The following FMN1 variants were observed in gnomAD, a reference collection of about 807,000 sequenced individuals.
FMN1 encodes the protein formin-1.
A neutral mutation model predicts 132.4 loss-of-function variants in FMN1; 110 were observed. That is an observed-to-expected ratio of 0.83 (90% CI 0.71 to 0.97). FMN1 has a LOEUF of 0.97. FMN1 is among the 50% of genes least tolerant of loss of function. The probability of loss-of-function intolerance (pLI) is 0.00; values close to 1 mark genes in which losing one functional copy is unlikely to be tolerated. For missense variants in FMN1, 1,792 were observed against 1,705.3 expected (o/e 1.05, Z -0.90); for synonymous variants, 722 against 651.7 (o/e 1.11, Z -1.64).
intron 15 of FMN1, among the ~76,000 whole-genome samples, chr15:32,893,181 TC>T (rs1454807287): frequency 5.3e-5 from 8 of 152,218 alleles, no homozygotes; most frequent in Admixed American, 1.3e-4. Context: ...TGTACTTTTT[TC>T]CCCCATCTTC....
chr15:32,986,328 A>C (rs1198990271), intron 7 of FMN1, among the ~76,000 whole-genome samples: 3 of 152,166 alleles, frequency 2.0e-5, no homozygotes, highest in Non-Finnish European at 4.4e-5. Context: ...AACCGGAATA[A>C]GGGTATTTTT....
chr15:33,071,650 T>C (rs2038004647), intron 5 of FMN1, among the ~76,000 whole-genome samples: 1 of 152,206 alleles, frequency 6.6e-6, no homozygotes, highest in Non-Finnish European at 1.5e-5. Flanking sequence ...AAGCCAGCAG[T>C]GACCATTTAA....
At chr15:33,081,295 A>G (rs1247992543) in intron 5 of FMN1, among the ~76,000 whole-genome samples, 1 of 152,186 alleles carries the variant, frequency 6.6e-6, no homozygotes, top group Non-Finnish European at 1.5e-5. Flanking sequence ...ATTTCCAACA[A>G]TATTTCACCA....
intron 6 of FMN1, among the ~76,000 whole-genome samples, chr15:33,040,902 T>TA (rs983308730): frequency 3.9e-5 from 6 of 152,238 alleles, no homozygotes; most frequent in Admixed American, 3.3e-4. Flanking sequence ...TCTAGTGCTC[T>TA]ACTACAGAGT....
chr15:32,833,474 C>A (rs1271144787), intron 17 of FMN1, among the ~76,000 whole-genome samples: 3 of 152,166 alleles, frequency 2.0e-5, no homozygotes, highest in Non-Finnish European at 2.9e-5. Context: ...AGCCTTCTGA[C>A]CCCCATGATC....
chr15:32,957,867 CAAGTGGTGG>C (rs2029996701), intron 9 of FMN1, among the ~76,000 whole-genome samples: 1 of 152,084 alleles, frequency 6.6e-6, no homozygotes. Flanking sequence ...GAGATAGTAG[CAAGTGGTGG>C]TGGTTCCATT....
At chr15:32,910,623 T>C (rs1362142127) in intron 10 of FMN1, 88 bp from the exon 11 acceptor site, 1 of 970,696 alleles carries the variant, frequency 1.0e-6, no homozygotes, top group Non-Finnish European at 1.6e-6. Flanking sequence ...TTCCAAGCAA[T>C]TAACAGAGTA....
intron 7 of FMN1, among the ~76,000 whole-genome samples, chr15:32,976,042 T>C (rs1422473437): frequency 1.3e-5 from 2 of 152,130 alleles, no homozygotes; most frequent in African/African-American, 2.4e-5. Flanking sequence ...GACATCGTGT[T>C]GGTGCCAAGC....
At chr15:33,090,475 G>A (rs1482391016) in intron 4 of FMN1, among the ~76,000 whole-genome samples, 1 of 152,172 alleles carries the variant, frequency 6.6e-6, no homozygotes, top group Non-Finnish European at 1.5e-5. Context: ...AGGTCACAGT[G>A]TGTCTATAGT....
chr15:33,165,495 A>T (rs1965066321), intron 3 of FMN1, among the ~76,000 whole-genome samples: 1 of 152,092 alleles, frequency 6.6e-6, no homozygotes, highest in African/African-American at 2.4e-5. Flanking sequence ...GGTTCACGCC[A>T]TTCTCTTGCC....
In FMN1 at chr15:33,019,015, A is replaced by G. The variant is rs1390258161; in HGVS notation, c.2162-10940T>C. Among the ~76,000 whole-genome samples the G allele has an allele frequency of 2.0e-5, 3 of 152,156 alleles. No homozygotes were observed. The East Asian group carries it at 5.8e-4, about 29-fold the overall frequency. ...GATTTATTGCAGAGTTAAAGAACAA[A>G]GCTTCCACCATGCGGAAGAGGACCT... On this transcript the variant is annotated intron_variant, in intron 6 of 20. Transcript: ENST00000616417.
At chr15:32,861,379 C>T (rs1238592820) in intron 16 of FMN1, among the ~76,000 whole-genome samples, 4 of 152,128 alleles carry the variant, frequency 2.6e-5, no homozygotes, top group African/African-American at 9.7e-5. Flanking sequence ...AGAGCCCATG[C>T]GGTGCCCATC....
chr15:32,964,126 T>C lies in FMN1; in HGVS notation c.3119A>G (p.Lys1040Arg). The stretch of plus-strand genomic sequence containing the variant: ...CAGTACCTTTTTGACCTTGTTTTTC[T>C]TCTCATAAGTCTCTGACAGAGGTTT... ...KKKPLSETYE[K>R]KNKVKKIIKL... is the part of the protein sequence containing the mutation. The change falls in exon 9 of 21, where the codon AAG becomes AGG. Residue 1040 changes from lysine to arginine, a missense_variant. Lys to Arg is a conservative substitution (Grantham distance 26). Transcript: ENST00000616417. 1 of 1,611,692 alleles carries C rather than the reference T, an allele frequency of 6.2e-7. No homozygotes were observed. The highest frequency in any genetic ancestry group is 8.5e-7 in the Non-Finnish European group (1 of 1,179,180).
chr15:32,901,795 A>G, intron 13 of FMN1, 116 bp downstream of exon 13: 2 of 758,970 alleles, frequency 2.6e-6, no homozygotes, highest in Non-Finnish European at 3.8e-6. Context: ...TTACACTTAG[A>G]AAAACATACA....
At chr15:33,149,321 A>AGAG (rs1321631206) in intron 4 of FMN1, among the ~76,000 whole-genome samples, 2 of 152,176 alleles carry the variant, frequency 1.3e-5, no homozygotes, top group African/African-American at 4.8e-5. Flanking sequence ...CATTTTATGT[A>AGAG]TTATTTTATA....
chr15:32,832,210 C>G (rs532224175), intron 17 of FMN1, among the ~76,000 whole-genome samples: 8 of 152,280 alleles, frequency 5.3e-5, no homozygotes, highest in East Asian at 1.9e-4. Context: ...ATAATGGTAG[C>G]AGGGAAGACA....
At chr15:32,783,910 A>C (rs1325010738) in intron 19 of FMN1, among the ~76,000 whole-genome samples, 4 of 152,130 alleles carry the variant, frequency 2.6e-5, no homozygotes, top group Admixed American at 6.5e-5. Context: ...GCTGCAGCTA[A>C]ATCAAGTCAA....
intron 3 of FMN1, among the ~76,000 whole-genome samples, chr15:33,163,541 A>T (rs1245746077): frequency 6.6e-6 from 1 of 151,866 alleles, no homozygotes; most frequent in African/African-American, 2.4e-5. Flanking sequence ...TGATCTGCTC[A>T]TCTCGGCCTC....
At chr15:33,075,893 G>T (rs188673294) in intron 5 of FMN1, among the ~76,000 whole-genome samples, 3 of 152,226 alleles carry the variant, frequency 2.0e-5, no homozygotes, top group Non-Finnish European at 2.9e-5. Context: ...CTTCAAAAGT[G>T]CTGCTTCATT....
Sources: allele counts gnomAD v4.1 joint callset (sites outside exome capture counted in the v4.1 genomes callset), GRCh38; gene constraint gnomAD v4.1.1; transcripts MANE v1.5; gene names NCBI Gene and HGNC (gene_info 2026-07-23, HGNC 2026-07-21).